Variants in XKR9 observed in about 807,000 individuals in gnomAD.
XKR9 encodes the protein XK-related protein 9.
XKR9 carries 32 observed loss-of-function variants against 32.0 expected under a neutral mutation model. That is an observed-to-expected ratio of 1.00 (90% confidence interval 0.76 to 1.34). The LOEUF (loss-of-function observed/expected upper bound fraction) is 1.34, where lower values mean the gene tolerates loss of function less well. XKR9 is among the 40% of genes most tolerant of loss of function. The pLI, the probability that XKR9 is intolerant of heterozygous loss-of-function variation, is 0.00. For synonymous variants in XKR9, 168 were observed against 143.4 expected (o/e 1.17, Z -1.22); for missense variants, 546 against 429.7 (o/e 1.27, Z -2.39).
At chr8:70,968,795 A>C in the XKR9 span, among the ~76,000 whole-genome samples, 1 of 152,186 alleles carries the variant, frequency 6.6e-6, no homozygotes, top group East Asian at 1.9e-4. Flanking sequence ...TGAAACAACA[A>C]AGATAGCAAC....
At chr8:70,693,896 CAA>C (rs1563426934) in intron 3 of XKR9, among the ~76,000 whole-genome samples, 6 of 152,036 alleles carry the variant, frequency 3.9e-5, no homozygotes, top group African/African-American at 1.5e-4. Flanking sequence ...GAGGCAGTGG[CAA>C]AGAGGCTTTC....
At chr8:70,983,466 CAT>C in the XKR9 span, among the ~76,000 whole-genome samples, 1 of 152,316 alleles carries the variant, frequency 6.6e-6, no homozygotes, top group South Asian at 2.1e-4. Context: ...AGCATCAGCA[CAT>C]AGTGTTTTGC....
chr8:70,982,855 T>C, the XKR9 span, among the ~76,000 whole-genome samples: 1 of 152,240 alleles, frequency 6.6e-6, no homozygotes, highest in South Asian at 2.1e-4. Flanking sequence ...CTCTCTATTT[T>C]AATTAGTTTT....
chr8:71,006,714 T>C, the XKR9 span, among the ~76,000 whole-genome samples: 2 of 152,156 alleles, frequency 1.3e-5, no homozygotes, highest in Non-Finnish European at 2.9e-5. Flanking sequence ...TCAGTATCTT[T>C]AGGACTTTGG....
the XKR9 span, among the ~76,000 whole-genome samples, chr8:71,037,101 C>G: frequency 1.3e-5 from 2 of 152,124 alleles, no homozygotes; most frequent in Admixed American, 6.5e-5. Flanking sequence ...AGTTACCAGA[C>G]AGATGGTGAA....
the XKR9 span, among the ~76,000 whole-genome samples, chr8:70,923,555 A>G: frequency 6.6e-6 from 1 of 152,208 alleles, no homozygotes; most frequent in Non-Finnish European, 1.5e-5. Flanking sequence ...GAGTTGCCCT[A>G]GCAAGGGGTT....
rs560980301 is a variant in XKR9, at chr8:70,674,102, G to A, written c.-360-716G>A. Among the ~76,000 whole-genome samples the A allele has an allele frequency of 2.6e-5, 4 of 152,150 alleles. No homozygotes were observed. The East Asian group carries it at 5.8e-4, about 22-fold the overall frequency. On this transcript the variant is annotated intron_variant, in intron 1 of 4. Transcript: ENST00000408926. Reference sequence around the variant, plus strand: ...GAGGAGTGCTTGAGCCCAGGAGTTCGAGGTTATAGTGAGCTATGATTGTGC... The same window carrying A: ...GAGGAGTGCTTGAGCCCAGGAGTTCAAGGTTATAGTGAGCTATGATTGTGC...
the XKR9 span, among the ~76,000 whole-genome samples, chr8:71,001,331 G>A: frequency 2.6e-5 from 4 of 151,980 alleles, no homozygotes; most frequent in Non-Finnish European, 4.4e-5. Context: ...GCACCATCAC[G>A]GCTTACTACA....
At chr8:70,974,463 A>G in the XKR9 span, among the ~76,000 whole-genome samples, 2 of 151,986 alleles carry the variant, frequency 1.3e-5, no homozygotes, top group South Asian at 2.1e-4. Flanking sequence ...TTATTGTTCA[A>G]TTCCCACCTA....
the XKR9 span, among the ~76,000 whole-genome samples, chr8:70,886,354 T>C: frequency 6.6e-6 from 1 of 152,232 alleles, no homozygotes; most frequent in African/African-American, 2.4e-5. Context: ...TAAACATACA[T>C]GTGCATGTGT....
chr8:70,820,636 G>A, the XKR9 span, among the ~76,000 whole-genome samples: 1 of 152,150 alleles, frequency 6.6e-6, no homozygotes, highest in Non-Finnish European at 1.5e-5. Flanking sequence ...ACATGGCTGG[G>A]GAGGCCTTAG....
the XKR9 span, among the ~76,000 whole-genome samples, chr8:70,987,110 A>G: frequency 6.6e-6 from 1 of 152,182 alleles, no homozygotes; most frequent in Admixed American, 6.5e-5. Flanking sequence ...AAACACATGG[A>G]ATTATGGGAG....
At chr8:70,730,346 G>A (rs879635472) in intron 4 of XKR9, among the ~76,000 whole-genome samples, 1 of 151,972 alleles carries the variant, frequency 6.6e-6, no homozygotes, top group Non-Finnish European at 1.5e-5. Context: ...TTAACCATAA[G>A]GTAATATTTT....
chr8:70,831,694 A>G, the XKR9 span, among the ~76,000 whole-genome samples: 5 of 152,060 alleles, frequency 3.3e-5, no homozygotes, highest in Admixed American at 6.6e-5. Context: ...TTCAGATTTC[A>G]TAGATGTTTA....
intron 2 of XKR9, among the ~76,000 whole-genome samples, chr8:70,787,572 A>G (rs1407503437): frequency 6.6e-6 from 1 of 152,094 alleles, no homozygotes; most frequent in Non-Finnish European, 1.5e-5. Flanking sequence ...ATAAAATGAG[A>G]AGCAAGAAGA....
the XKR9 span, among the ~76,000 whole-genome samples, chr8:71,011,018 A>G: frequency 8.3e-3 from 1,257 of 152,210 alleles, 15 homozygotes; most frequent in African/African-American, 0.029. Context: ...TCCCTTTTTT[A>G]TCTCAACTAC....
chr8:70,860,710 T>G, the XKR9 span, among the ~76,000 whole-genome samples: 2 of 151,002 alleles, frequency 1.3e-5, no homozygotes, highest in African/African-American at 4.9e-5. Context: ...CTCCTGCTTG[T>G]TTATAAATGT....
chr8:70,766,533 A>G (rs933905644), intron 2 of XKR9, among the ~76,000 whole-genome samples: 9 of 152,182 alleles, frequency 5.9e-5, no homozygotes, highest in African/African-American at 2.2e-4. Context: ...ACAATCATAT[A>G]ATCTGCAAAC....
chr8:70,886,440 T>C, the XKR9 span, among the ~76,000 whole-genome samples: 402 of 152,310 alleles, frequency 2.6e-3, 2 homozygotes, highest in South Asian at 0.014. Flanking sequence ...GTATTTCTGG[T>C]TCTATATCCT....
Sources: gnomAD v4.1 joint callset for allele counts (sites outside exome capture counted in the v4.1 genomes callset) on GRCh38, gnomAD v4.1.1 for gene constraint, MANE v1.5 for transcripts, NCBI Gene and HGNC (gene_info 2026-07-23, HGNC 2026-07-21) for gene names.